The following VPS53 variants were observed in gnomAD, a reference collection of about 807,000 sequenced individuals.
VPS53 encodes the protein vacuolar protein sorting-associated protein 53 homolog.
VPS53 carries 70 observed loss-of-function variants against 107.0 expected under a neutral mutation model. That is an observed-to-expected ratio of 0.65 (90% confidence interval 0.54 to 0.80). The LOEUF is 0.80. Among genes scored for constraint, VPS53 ranks in the 30% least tolerant of loss-of-function variants. The probability of loss-of-function intolerance (pLI) is 0.00; values close to 1 mark genes in which losing one functional copy is unlikely to be tolerated. For synonymous variants in VPS53, 409 were observed against 393.3 expected, an observed-to-expected ratio of 1.04 and a Z score of -0.47; for missense variants, 917 against 1,049.4, an observed-to-expected ratio of 0.87 and a Z score of 1.74.
rs56682012 is a variant in VPS53, at chr17:692,988, G to A, written c.285+4430C>T. 9.9e-3 allele frequency among the ~76,000 whole-genome samples: 1,504 copies of A among 152,280 alleles called. 24 individuals carry two copies. Among genetic ancestry groups the A allele is most frequent in the African/African-American group, 0.034 (1,406 of 41,564 alleles). On this transcript the variant is annotated intron_variant, in intron 4 of 21. Transcript: ENST00000437048. ...GTCTCTACTAAAAATACAAAAATTAGCCAGGCGTGGTGGTGCATGCCTGTA... is the reference window on the plus strand; with the variant it reads ...GTCTCTACTAAAAATACAAAAATTAACCAGGCGTGGTGGTGCATGCCTGTA...
At chr17:559,479 C>T (rs1912743857) in intron 15 of VPS53, among the ~76,000 whole-genome samples, 1 of 152,182 alleles carries the variant, frequency 6.6e-6, no homozygotes, top group Non-Finnish European at 1.5e-5. Flanking sequence ...CTCTGTGGCT[C>T]CAAGGCCAAA....
chr17:697,206 C>T (rs952018505), intron 4 of VPS53, among the ~76,000 whole-genome samples: 4 of 152,202 alleles, frequency 2.6e-5, no homozygotes, highest in African/African-American at 7.2e-5. Flanking sequence ...CATCTGGCCT[C>T]GGGTGAGCGG....
Position 537,312 on chromosome 17 carries a change from G to GA in VPS53, c.1867-137dup, listed in dbSNP as rs746368378. On this transcript the variant is annotated intron_variant, in intron 17 of 21. Transcript: ENST00000437048. ...AGGAATCAGGCCCTTTTGTCCTGGG[G>GA]AGTTTCTTATTCGTTCTGTAGGGAC... 517 of 1,029,976 alleles carry GA rather than the reference G, an allele frequency of 5.0e-4. 2 individuals carry two copies. Among genetic ancestry groups the GA allele is most frequent in the Non-Finnish European group, 9.6e-5 (69 of 720,742 alleles). 63.8% of individuals were successfully genotyped at this position (1,029,976 alleles called of 1,614,324 possible). A position where few individuals can be genotyped will look rare whatever the true frequency, so the allele number is the denominator to read the frequency against.
intron 4 of VPS53, among the ~76,000 whole-genome samples, chr17:677,535 T>C (rs867303133): frequency 1.6e-4 from 25 of 152,096 alleles, no homozygotes; most frequent in African/African-American, 6.0e-4. Context: ...TCAGAAATAG[T>C]GGTAGTGGTG....
At position 586,204 on chromosome 17, in the gene VPS53, T is replaced by C. The variant is rs1967303973; in HGVS notation, c.1313+66A>G. 15 of 1,499,376 alleles carry C rather than the reference T, an allele frequency of 1.0e-5. 1 individual carries two copies. The East Asian group carries it at 3.4e-4, about 34-fold the overall frequency. 92.9% of individuals were successfully genotyped at this position (1,499,376 alleles called of 1,614,324 possible). The stretch of plus-strand genomic sequence containing the variant: ...AGCCCCGGAAGGAGCTGTGCGCTCC[T>C]AAGACCCAGTCATGACCAGAGCGGC... On this transcript the variant is annotated intron_variant, in intron 13 of 21. Coordinates refer to ENST00000437048, the MANE Select transcript of VPS53 (RefSeq NM_001128159.3).
chr17:625,737 A>G (rs1468295540), intron 10 of VPS53, among the ~76,000 whole-genome samples: 1 of 152,234 alleles, frequency 6.6e-6, no homozygotes, highest in Non-Finnish European at 1.5e-5. Context: ...CTATTTTAAG[A>G]AAAGCCAATA....
chr17:639,527 T>C (rs911982442), intron 7 of VPS53, among the ~76,000 whole-genome samples: 8 of 152,332 alleles, frequency 5.3e-5, no homozygotes, highest in South Asian at 2.1e-4. Flanking sequence ...TCTGCTGTTT[T>C]TTCCCCATCT....
intron 4 of VPS53, among the ~76,000 whole-genome samples, chr17:673,015 G>A (rs1972024129): frequency 6.6e-6 from 1 of 151,990 alleles, no homozygotes; most frequent in Non-Finnish European, 1.5e-5. Context: ...GGGAGACTTA[G>A]GCAGGAGAAT....
intron 4 of VPS53, among the ~76,000 whole-genome samples, chr17:662,301 A>G (rs948404203): frequency 6.6e-6 from 1 of 152,180 alleles, no homozygotes; most frequent in Non-Finnish European, 1.5e-5. Context: ...TTGTGCATTC[A>G]AAAAAACCTG....
At chr17:529,044 C>T (rs1283003279) in intron 19 of VPS53, among the ~76,000 whole-genome samples, 1 of 152,166 alleles carries the variant, frequency 6.6e-6, no homozygotes, top group African/African-American at 2.4e-5. Flanking sequence ...TCACCAAATC[C>T]TCTTTGGAAT....
At chr17:656,054 G>T in intron 5 of VPS53, 101 bp from the exon 6 acceptor site, 1 of 826,396 alleles carries the variant, frequency 1.2e-6, no homozygotes, top group East Asian at 2.8e-5. Flanking sequence ...GATGAAGCAG[G>T]GAAAAATCTC....
intron 4 of VPS53, among the ~76,000 whole-genome samples, chr17:695,803 C>A (rs529143543): frequency 6.6e-6 from 1 of 152,176 alleles, no homozygotes; most frequent in Non-Finnish European, 1.5e-5. Context: ...CTCCCCGCCT[C>A]GGCCTCCCAA....
intron 5 of VPS53, among the ~76,000 whole-genome samples, chr17:658,627 A>T (rs942712665): frequency 4.6e-5 from 7 of 150,770 alleles, no homozygotes; most frequent in Non-Finnish European, 8.9e-5. Flanking sequence ...GGGTAGATAC[A>T]TCCCACTAAA....
chr17:588,498 C>A (rs1967451612), intron 12 of VPS53, among the ~76,000 whole-genome samples: 1 of 152,098 alleles, frequency 6.6e-6, no homozygotes, highest in Non-Finnish European at 1.5e-5. Flanking sequence ...TTAAAAACAT[C>A]TGTAAAAACT....
chr17:678,572 T>G (rs1310491539), intron 4 of VPS53, among the ~76,000 whole-genome samples: 2 of 151,584 alleles, frequency 1.3e-5, no homozygotes, highest in Non-Finnish European at 2.9e-5. Flanking sequence ...GCTCCAGCGA[T>G]TCTCCTGTCT....
At position 532,655 on chromosome 17, in the gene VPS53, T is replaced by TAA; in HGVS notation, c.2085+186_2085+187insTT. 4 of 1,397,282 alleles carry TAA rather than the reference T, an allele frequency of 2.9e-6. No individual in the cohort carries two copies. In the South Asian group the frequency reaches 5.1e-5, roughly 18 times the overall value. 86.6% of individuals were successfully genotyped at this position (1,397,282 alleles called of 1,614,324 possible). On this transcript the variant is annotated intron_variant, in intron 19 of 21. Transcript: ENST00000437048. ...CCTGCACCCAGAACTTAGTAGGCGT[T>TAA]CAAACAAAATTTTTAAAAATAAATG...
chr17:632,632 C>G, intron 7 of VPS53: 1 of 444,830 alleles, frequency 2.2e-6, no homozygotes, highest in Non-Finnish European at 4.5e-6. Flanking sequence ...ATTTTTGTGC[C>G]CAGTAGCCAT....
chr17:692,733 T>C (rs915909881), intron 4 of VPS53, among the ~76,000 whole-genome samples: 4 of 152,240 alleles, frequency 2.6e-5, no homozygotes, highest in African/African-American at 9.6e-5. Context: ...CCGGGTGCGG[T>C]GGCTCACGCC....
intron 15 of VPS53, among the ~76,000 whole-genome samples, chr17:555,816 A>C (rs1253398281): frequency 6.6e-6 from 1 of 152,236 alleles, no homozygotes; most frequent in Non-Finnish European, 1.5e-5. Context: ...TCTACATCTA[A>C]CTACCAATTT....
Sources: allele counts gnomAD v4.1 joint callset (sites outside exome capture counted in the v4.1 genomes callset), GRCh38; gene constraint gnomAD v4.1.1; transcripts MANE v1.5; gene names NCBI Gene and HGNC (gene_info 2026-07-23, HGNC 2026-07-21).